The following GRID1 variants were observed in gnomAD, a reference collection of about 807,000 sequenced individuals.
GRID1 encodes the protein glutamate ionotropic receptor delta type subunit 1.
GRID1 carries 28 observed loss-of-function variants against 98.0 expected under a neutral mutation model. That is an observed-to-expected ratio of 0.29 (90% CI 0.21 to 0.39). The LOEUF is 0.39. Among genes scored for constraint, GRID1 ranks in the 10% least tolerant of loss-of-function variants. GRID1 has a pLI of 1.00. For synonymous variants in GRID1, 553 were observed against 538.5 expected (o/e 1.03, Z -0.37); for missense variants, 1,111 against 1,340.5 (o/e 0.83, Z 2.67).
intron 3 of GRID1, among the ~76,000 whole-genome samples, chr10:86,145,997 T>G (rs1845084728): frequency 6.6e-6 from 1 of 152,188 alleles, no homozygotes; most frequent in African/African-American, 2.4e-5. Flanking sequence ...TGACTATCCC[T>G]CCACTCCCTC....
At chr10:85,933,160 C>CTA (rs113091352) in intron 4 of GRID1, among the ~76,000 whole-genome samples, 2 of 152,112 alleles carry the variant, frequency 1.3e-5, no homozygotes, top group African/African-American at 4.8e-5. Flanking sequence ...CTCTCTCTTA[C>CTA]CCTCTCTTGC....
chr10:85,900,632 C>T (rs955194792), intron 5 of GRID1, among the ~76,000 whole-genome samples: 5 of 152,174 alleles, frequency 3.3e-5, no homozygotes, highest in African/African-American at 1.2e-4. Flanking sequence ...TGTCTGTCTA[C>T]AGGGAGTTGG....
intron 8 of GRID1, among the ~76,000 whole-genome samples, chr10:85,830,821 C>T (rs1410591980): frequency 1.3e-5 from 2 of 152,024 alleles, no homozygotes; most frequent in Non-Finnish European, 2.9e-5. Flanking sequence ...AACAGATGTT[C>T]GTGAGGTTGT....
At chr10:86,135,660 C>T (rs547529191) in intron 4 of GRID1, among the ~76,000 whole-genome samples, 20 of 152,302 alleles carry the variant, frequency 1.3e-4, no homozygotes, top group African/African-American at 4.8e-4. Context: ...AGCACCTTGG[C>T]CTGCCACAAC....
At chr10:85,763,903 CTG>C (rs1351731796) in intron 8 of GRID1, among the ~76,000 whole-genome samples, 1 of 152,068 alleles carries the variant, frequency 6.6e-6, no homozygotes, top group African/African-American at 2.4e-5. Flanking sequence ...AATTTCATCT[CTG>C]TGTGGGGAGG....
chr10:85,821,321 C>A (rs1265922547), intron 8 of GRID1, among the ~76,000 whole-genome samples: 1 of 151,170 alleles, frequency 6.6e-6, no homozygotes, highest in African/African-American at 2.4e-5. Context: ...AGTTGGAGCC[C>A]AGCAGACCAA....
intron 2 of GRID1, among the ~76,000 whole-genome samples, chr10:86,350,161 A>G (rs1848442699): frequency 6.6e-6 from 1 of 152,224 alleles, no homozygotes; most frequent in Non-Finnish European, 1.5e-5. Flanking sequence ...CAATGTGGCC[A>G]GAGCAGTGAG....
At chr10:85,863,036 A>C (rs1213564330) in intron 6 of GRID1, among the ~76,000 whole-genome samples, 1 of 151,970 alleles carries the variant, frequency 6.6e-6, no homozygotes, top group Non-Finnish European at 1.5e-5. Flanking sequence ...GCCCCACCCA[A>C]CTCCCCATCG....
chr10:86,351,446 C>T (rs10749537), intron 2 of GRID1, among the ~76,000 whole-genome samples: 61,394 of 152,038 alleles, frequency 0.4, 13,835 homozygotes, highest in Admixed American at 0.52. Flanking sequence ...TTTCTGAGGT[C>T]GGTGAGGGCA....
At chr10:85,857,466 G>A (rs1843123380) in intron 6 of GRID1, among the ~76,000 whole-genome samples, 1 of 152,106 alleles carries the variant, frequency 6.6e-6, no homozygotes, top group African/African-American at 2.4e-5. Context: ...GCCCAATGGG[G>A]GAGAAGGACA....
chr10:85,694,772 G>A (rs1841375357), intron 12 of GRID1, among the ~76,000 whole-genome samples: 1 of 144,268 alleles, frequency 6.9e-6, no homozygotes, highest in South Asian at 2.4e-4. Flanking sequence ...CATGGACAAA[G>A]AGAGTGAAAT....
At chr10:85,923,920 AC>A (rs1405041768) in intron 4 of GRID1, among the ~76,000 whole-genome samples, 1 of 151,898 alleles carries the variant, frequency 6.6e-6, no homozygotes, top group Admixed American at 6.6e-5. Context: ...GTTTCCTGTC[AC>A]CCCCTTTCAA....
chr10:86,101,981 T>C (rs1844303040), intron 4 of GRID1, among the ~76,000 whole-genome samples: 1 of 152,214 alleles, frequency 6.6e-6, no homozygotes, highest in Admixed American at 6.5e-5. Flanking sequence ...TTGCGGTTAT[T>C]ACAACAAAGC....
At chr10:85,742,441 T>C (rs1357602530) in intron 8 of GRID1, among the ~76,000 whole-genome samples, 1 of 152,210 alleles carries the variant, frequency 6.6e-6, no homozygotes, top group African/African-American at 2.4e-5. Context: ...ACCTTTATTA[T>C]ATTGTTCCCA....
chr10:86,353,944 G>A (rs964911996), intron 2 of GRID1, among the ~76,000 whole-genome samples: 1 of 152,196 alleles, frequency 6.6e-6, no homozygotes, highest in African/African-American at 2.4e-5. Context: ...CTGTTGGGAG[G>A]GGGGCTCGGC....
chr10:86,128,285 G>GA (rs1844783147), intron 4 of GRID1, among the ~76,000 whole-genome samples: 1 of 152,008 alleles, frequency 6.6e-6, no homozygotes, highest in Non-Finnish European at 1.5e-5. Flanking sequence ...CATCTCCCTG[G>GA]GGTAGGAAAC....
intron 8 of GRID1, among the ~76,000 whole-genome samples, chr10:85,827,355 T>A (rs1199832602): frequency 6.6e-6 from 1 of 152,006 alleles, no homozygotes; most frequent in Admixed American, 6.6e-5. Flanking sequence ...AACAGCAGAA[T>A]TGACCAAGCT....
chr10:86,246,855 T>G (rs1846737420), intron 2 of GRID1, among the ~76,000 whole-genome samples: 1 of 152,252 alleles, frequency 6.6e-6, no homozygotes, highest in African/African-American at 2.4e-5. Context: ...CCACTCAATT[T>G]CAGTAACAAT....
In GRID1 at chr10:85,724,691, C is replaced by G; in HGVS notation, c.1534-15G>C. On this transcript the variant is annotated splice_polypyrimidine_tract_variant and intron_variant, in intron 10 of 15. Coordinates refer to ENST00000327946, the MANE Select transcript of GRID1 (RefSeq NM_017551.3). ...AAGTCTGCTCTCTGAAAGGCAAAGC[C>G]ATCTCATTTAGACGGCAGTCCTCAG... 1 of 1,598,852 alleles carries G rather than the reference C, an allele frequency of 6.3e-7. No individual in the cohort carries two copies. The highest frequency in any genetic ancestry group is 2.2e-5 in the East Asian group (1 of 44,696).
Sources: allele counts gnomAD v4.1 joint callset (sites outside exome capture counted in the v4.1 genomes callset), GRCh38; gene constraint gnomAD v4.1.1; transcripts MANE v1.5; gene names NCBI Gene and HGNC (gene_info 2026-07-23, HGNC 2026-07-21).